Variants in PRKG1 observed in about 807,000 individuals in gnomAD.
PRKG1 encodes protein kinase cGMP-dependent 1.
A neutral mutation model predicts 88.1 loss-of-function variants in PRKG1; 35 were observed. The ratio of observed to expected loss-of-function variants is 0.40; its 90% confidence interval spans 0.30 to 0.53. PRKG1 has a LOEUF of 0.53. Among genes scored for constraint, PRKG1 ranks in the 20% least tolerant of loss-of-function variants. The pLI is 0.59. For synonymous variants in PRKG1, 303 were observed against 292.5 expected (o/e 1.04, Z -0.37); for missense variants, 540 against 839.8 (o/e 0.64, Z 4.41).
chr10:51,939,756 T>C (rs957335377), intron 5 of PRKG1, among the ~76,000 whole-genome samples: 1 of 150,746 alleles, frequency 6.6e-6, no homozygotes, highest in Non-Finnish European at 1.5e-5. Context: ...GAATAATACA[T>C]ATATATTTGG....
At chr10:51,441,450 T>A (rs777800315) in intron 2 of PRKG1, among the ~76,000 whole-genome samples, 7 of 151,974 alleles carry the variant, frequency 4.6e-5, no homozygotes, top group Non-Finnish European at 7.4e-5. Context: ...TCTATTGACA[T>A]TCCTCCCCTA....
At chr10:52,154,025 G>A (rs761739360) in intron 8 of PRKG1, among the ~76,000 whole-genome samples, 6 of 152,050 alleles carry the variant, frequency 3.9e-5, no homozygotes, top group Non-Finnish European at 8.8e-5. Flanking sequence ...GATTGCAGGC[G>A]TGAGCCACTG....
At chr10:51,980,678 G>C (rs1299123413) in intron 5 of PRKG1, among the ~76,000 whole-genome samples, 1 of 152,104 alleles carries the variant, frequency 6.6e-6, no homozygotes, top group African/African-American at 2.4e-5. Context: ...TGTTGGGCAT[G>C]TATATATTTA....
At position 52,245,046 on chromosome 10, in the gene PRKG1, G is replaced by A. The variant is rs190363640; in HGVS notation, c.1077-6524G>A. Among the ~76,000 whole-genome samples, 367 of 149,652 alleles carry A rather than the reference G, an allele frequency of 2.5e-3. 13 individuals carry two copies. The South Asian group carries it at 0.061, about 25-fold the overall frequency. ...ACTTTTTATTTACTTTTCCAGACTTGCAGATTAGTCAATACACTAAGCTTT... is the reference window on the plus strand; with the variant it reads ...ACTTTTTATTTACTTTTCCAGACTTACAGATTAGTCAATACACTAAGCTTT... On this transcript the variant is annotated intron_variant, in intron 9 of 17. Transcript: ENST00000373980.
chr10:51,236,892 T>C (rs1839008559), intron 2 of PRKG1, among the ~76,000 whole-genome samples: 1 of 152,160 alleles, frequency 6.6e-6, no homozygotes, highest in South Asian at 2.1e-4. Context: ...GAGGCAGTCA[T>C]AAAGGGTAGT....
intron 2 of PRKG1, among the ~76,000 whole-genome samples, chr10:51,271,052 C>G (rs1310665055): frequency 6.6e-6 from 1 of 152,142 alleles, no homozygotes; most frequent in Non-Finnish European, 1.5e-5. Context: ...AGTCATTCAA[C>G]TCATTTAGGA....
At chr10:52,260,536 C>T (rs1046581453) in intron 10 of PRKG1, among the ~76,000 whole-genome samples, 10 of 152,160 alleles carry the variant, frequency 6.6e-5, no homozygotes, top group African/African-American at 1.9e-4. Context: ...ACTTCACCTA[C>T]GTGGTTATAT....
intron 2 of PRKG1, among the ~76,000 whole-genome samples, chr10:51,458,336 G>T (rs1839648554): frequency 6.6e-6 from 1 of 152,078 alleles, no homozygotes; most frequent in Non-Finnish European, 1.5e-5. Flanking sequence ...AAATTAAAAT[G>T]TAGTCCTAAG....
chr10:51,282,496 A>G (rs975410216), intron 2 of PRKG1, among the ~76,000 whole-genome samples: 3 of 152,194 alleles, frequency 2.0e-5, no homozygotes, highest in African/African-American at 7.2e-5. Flanking sequence ...ATCAACATTT[A>G]AGAACCAGGG....
At chr10:51,169,271 A>G (rs1564625369) in intron 2 of PRKG1, among the ~76,000 whole-genome samples, 1 of 151,994 alleles carries the variant, frequency 6.6e-6, no homozygotes, top group Non-Finnish European at 1.5e-5. Context: ...CCAGTGTAGT[A>G]CTCTCTGTGT....
At chr10:52,143,212 A>AC (rs1488565678) in intron 8 of PRKG1, among the ~76,000 whole-genome samples, 3 of 151,916 alleles carry the variant, frequency 2.0e-5, no homozygotes, top group Non-Finnish European at 4.4e-5. Flanking sequence ...CCTTCTTGCC[A>AC]CCCCCCAGCC....
At chr10:51,501,326 G>C (rs1841017769) in intron 3 of PRKG1, among the ~76,000 whole-genome samples, 1 of 152,138 alleles carries the variant, frequency 6.6e-6, no homozygotes, top group Non-Finnish European at 1.5e-5. Context: ...TGAGATCTCT[G>C]AATCTGACTT....
intron 9 of PRKG1, among the ~76,000 whole-genome samples, chr10:52,232,416 A>G (rs561972994): frequency 6.6e-6 from 1 of 152,324 alleles, no homozygotes; most frequent in East Asian, 1.9e-4. Context: ...TCTTTTTTAT[A>G]TAAAACAAAA....
At chr10:51,059,995 T>C (rs1401669416) in intron 1 of PRKG1, among the ~76,000 whole-genome samples, 1 of 152,150 alleles carries the variant, frequency 6.6e-6, no homozygotes, top group African/African-American at 2.4e-5. Flanking sequence ...AAGGCTGTTA[T>C]TTAGTGCATA....
In PRKG1 at chr10:51,153,308, G is replaced by T. The variant is rs370592925; in HGVS notation, c.456G>T (p.Gly152=). Residue 152 remains glycine (G), a synonymous_variant, in exon 2 of 18, where the codon GGG becomes GGT. Transcript: ENST00000373980. ...DSCIIKEGDV[G]SLVYVMEDGK... Reference sequence around the variant, plus strand: ...GCATCATCAAAGAAGGAGACGTGGGGTCACTGGTGTATGTCATGGAAGGTA... The same window carrying T: ...GCATCATCAAAGAAGGAGACGTGGGTTCACTGGTGTATGTCATGGAAGGTA... 1 of 1,610,834 alleles carries T rather than the reference G, an allele frequency of 6.2e-7. No homozygotes were observed. Among genetic ancestry groups the T allele is most frequent in the South Asian group, 1.1e-5 (1 of 90,818 alleles).
rs1212126454 is a variant in PRKG1 at position 51,074,686 on chromosome 10, G to A, written c.96G>A (p.Leu32=). ...TCATCGACGAGCTGGAGCTGGAGTTGGATCAGAAGGACGAACTGATCCAGA... is the reference window on the plus strand; with the variant it reads ...TCATCGACGAGCTGGAGCTGGAGTTAGATCAGAAGGACGAACTGATCCAGA... ...DALIDELELE[L]DQKDELIQKL... The change falls in exon 1 of 18, where the codon TTG becomes TTA. Residue 32 remains leucine (L), a synonymous_variant. Coordinates refer to ENST00000373980, the MANE Select transcript of PRKG1 (RefSeq NM_006258.4). The A allele has an allele frequency of 6.2e-7, 1 of 1,614,014 alleles. No individual in the cohort carries two copies. Among genetic ancestry groups the A allele is most frequent in the East Asian group, 2.2e-5 (1 of 44,858 alleles).
chr10:52,067,715 ATCT>A (rs1846386870), intron 7 of PRKG1, among the ~76,000 whole-genome samples: 1 of 141,154 alleles, frequency 7.1e-6, no homozygotes, highest in South Asian at 2.4e-4. Flanking sequence ...TGGCTCAAGC[ATCT>A]TTTTTTTTTT....
At chr10:51,538,921 A>G (rs1038653876) in intron 3 of PRKG1, among the ~76,000 whole-genome samples, 2 of 151,940 alleles carry the variant, frequency 1.3e-5, no homozygotes, top group Non-Finnish European at 2.9e-5. Context: ...TACTTCAGTA[A>G]TTGTGTTTTT....
chr10:51,423,838 C>A (rs1399997305), intron 2 of PRKG1, among the ~76,000 whole-genome samples: 2 of 151,928 alleles, frequency 1.3e-5, no homozygotes, highest in Non-Finnish European at 2.9e-5. Context: ...TGGCCAAAAG[C>A]AGATTTTAGA....
Sources: gnomAD v4.1 joint callset for allele counts (sites outside exome capture counted in the v4.1 genomes callset) on GRCh38, gnomAD v4.1.1 for gene constraint, MANE v1.5 for transcripts, NCBI Gene and HGNC (gene_info 2026-07-23, HGNC 2026-07-21) for gene names.